The following EPHA3 variants were observed in gnomAD, a reference collection of about 807,000 sequenced individuals.
EPHA3 encodes EPH receptor A3, also known as ephrin type-A receptor 3.
A neutral mutation model predicts 107.1 loss-of-function variants in EPHA3; 42 were observed. The ratio of observed to expected loss-of-function variants is 0.39; its 90% CI spans 0.31 to 0.51. The LOEUF is 0.51. Ranked by LOEUF, EPHA3 falls within the 20% of genes least tolerant of loss-of-function variation. EPHA3 has a pLI of 0.78. For synonymous variants in EPHA3, 461 were observed against 424.8 expected (o/e 1.09, Z -1.05); for missense variants, 1,183 against 1,211.2 (o/e 0.98, Z 0.35).
intron 2 of EPHA3, among the ~76,000 whole-genome samples, chr3:89,199,299 C>T (rs562152004): frequency 1.0e-3 from 157 of 152,194 alleles, no homozygotes; most frequent in African/African-American, 3.6e-3. Flanking sequence ...TTAAAAAGAA[C>T]ATTTTTGCAA....
At chr3:89,273,192 A>G (rs1158800626) in intron 3 of EPHA3, among the ~76,000 whole-genome samples, 2 of 151,854 alleles carry the variant, frequency 1.3e-5, no homozygotes, top group Non-Finnish European at 1.5e-5. Context: ...TGAAGACATT[A>G]CTTTCTCTGA....
chr3:89,368,601 C>A (rs1708227886), intron 5 of EPHA3, among the ~76,000 whole-genome samples: 1 of 150,256 alleles, frequency 6.7e-6, no homozygotes, highest in African/African-American at 2.4e-5. Context: ...TTAGCAGACC[C>A]AAGAAGCTGG....
chr3:89,421,077 G>A (rs1709344302), intron 11 of EPHA3, among the ~76,000 whole-genome samples: 1 of 151,262 alleles, frequency 6.6e-6, no homozygotes, highest in African/African-American at 2.4e-5. Flanking sequence ...ACCCAAACAG[G>A]TTTCTACTTG....
intron 2 of EPHA3, among the ~76,000 whole-genome samples, chr3:89,180,600 A>ACTAAAAT (rs1559588226): frequency 1.3e-5 from 2 of 152,020 alleles, no homozygotes; most frequent in African/African-American, 4.8e-5. Context: ...GTATAAGGGC[A>ACTAAAAT]GCAGTTTAGT....
intron 5 of EPHA3, among the ~76,000 whole-genome samples, chr3:89,349,491 A>G (rs980891519): frequency 1.3e-5 from 2 of 148,368 alleles, no homozygotes; most frequent in Non-Finnish European, 3.0e-5. Flanking sequence ...CCATCCTTTT[A>G]TTTTGAGCCT....
intron 3 of EPHA3, among the ~76,000 whole-genome samples, chr3:89,266,340 C>G (rs1705537714): frequency 6.6e-6 from 1 of 152,108 alleles, no homozygotes; most frequent in African/African-American, 2.4e-5. Context: ...CACCTTACAG[C>G]CATCATGTTC....
At chr3:89,390,312 A>G (rs1389436961) in intron 5 of EPHA3, among the ~76,000 whole-genome samples, 1 of 152,112 alleles carries the variant, frequency 6.6e-6, no homozygotes, top group African/African-American at 2.4e-5. Flanking sequence ...TAAGAGTGGT[A>G]CTTTGGCCGG....
intron 5 of EPHA3, among the ~76,000 whole-genome samples, chr3:89,380,682 C>T (rs1303440410): frequency 1.3e-5 from 2 of 151,502 alleles, no homozygotes; most frequent in East Asian, 1.9e-4. Flanking sequence ...AAATCAGAGG[C>T]GCTAATCAGC....
At chr3:89,189,304 A>G (rs1390129597) in intron 2 of EPHA3, among the ~76,000 whole-genome samples, 1 of 152,196 alleles carries the variant, frequency 6.6e-6, no homozygotes, top group Non-Finnish European at 1.5e-5. Context: ...GTTGAAAACT[A>G]TACTAAGAGA....
chr3:89,243,879 C>CA (rs1704969656), intron 3 of EPHA3, among the ~76,000 whole-genome samples: 1 of 152,114 alleles, frequency 6.6e-6, no homozygotes, highest in Non-Finnish European at 1.5e-5. Flanking sequence ...TGCCAGGACT[C>CA]ATTTATCTTA....
intron 2 of EPHA3, among the ~76,000 whole-genome samples, chr3:89,208,419 GAAGGAAGA>G (rs1175215472): frequency 1.1e-4 from 4 of 36,576 alleles, no homozygotes; most frequent in Non-Finnish European, 2.0e-4. Flanking sequence ...AGGAAGGAAG[GAAGGAAGA>G]AAGAAAGAAA....
intron 11 of EPHA3, among the ~76,000 whole-genome samples, chr3:89,424,582 C>G (rs1445113296): frequency 6.6e-6 from 1 of 151,022 alleles, no homozygotes; most frequent in Non-Finnish European, 1.5e-5. Flanking sequence ...ATTTTGAGCA[C>G]TCTGATAATG....
At chr3:89,287,989 G>T (rs995521695) in intron 3 of EPHA3, among the ~76,000 whole-genome samples, 2 of 151,900 alleles carry the variant, frequency 1.3e-5, no homozygotes, top group African/African-American at 2.4e-5. Context: ...GCTACATAGG[G>T]TTATGCCTAC....
intron 11 of EPHA3, among the ~76,000 whole-genome samples, chr3:89,424,123 C>T (rs1346364146): frequency 6.6e-6 from 1 of 151,182 alleles, no homozygotes; most frequent in African/African-American, 2.4e-5. Context: ...TATTGTAATG[C>T]ATAAACAAAA....
chr3:89,223,073 A>C (rs1056900785), intron 3 of EPHA3, among the ~76,000 whole-genome samples: 1 of 152,186 alleles, frequency 6.6e-6, no homozygotes, highest in Admixed American at 6.5e-5. Context: ...ACTCTTTAAA[A>C]ACACTGATAG....
At position 89,395,879 on chromosome 3, in the gene EPHA3, GA is replaced by G; in HGVS notation, c.1352del (p.Asn451IlefsTer37). 1 of 1,614,034 alleles carries G rather than the reference GA, an allele frequency of 6.2e-7. No individual in the cohort carries two copies. The highest frequency in any genetic ancestry group is 1.3e-5 in the African/African-American group (1 of 75,006). On this transcript the variant is annotated frameshift_variant, in exon 6 of 17. Coordinates refer to ENST00000336596, the MANE Select transcript of EPHA3 (RefSeq NM_005233.6). LOFTEE classifies it high-confidence loss of function. ...ACGATTAAGAAAGATCGGACCTCCA[GA>G]AATAGCATCTCTTTGTCCTGGCAAG... ...VLTIKKDRTS[R>X]NSISLSWQEP...
intron 5 of EPHA3, among the ~76,000 whole-genome samples, chr3:89,348,087 G>GT (rs1177774409): frequency 2.0e-5 from 3 of 148,946 alleles, no homozygotes; most frequent in African/African-American, 7.4e-5. Flanking sequence ...TTTTTTGGTT[G>GT]TATCTCTGCC....
chr3:89,215,307 T>A (rs980447766), intron 3 of EPHA3, among the ~76,000 whole-genome samples: 1 of 152,050 alleles, frequency 6.6e-6, no homozygotes, highest in Admixed American at 6.6e-5. Flanking sequence ...GAGTGCACTA[T>A]CTAAAAAGTA....
At chr3:89,167,893 C>T (rs2107088055) in intron 2 of EPHA3, among the ~76,000 whole-genome samples, 1 of 152,140 alleles carries the variant, frequency 6.6e-6, no homozygotes, top group South Asian at 2.1e-4. Flanking sequence ...ACACTTTCTT[C>T]ACTGATTTCT....
Sources: gnomAD v4.1 joint callset for allele counts (sites outside exome capture counted in the v4.1 genomes callset) on GRCh38, gnomAD v4.1.1 for gene constraint, MANE v1.5 for transcripts, NCBI Gene and HGNC (gene_info 2026-07-23, HGNC 2026-07-21) for gene names.